GNA12: variants seen among roughly 807,000 people sequenced by gnomAD.
GNA12 encodes the protein guanine nucleotide-binding protein subunit alpha-12.
Under a neutral mutation model 26.0 loss-of-function variants are expected in GNA12, and 9 were observed. The ratio of observed to expected loss-of-function variants is 0.35; its 90% CI spans 0.21 to 0.60. The LOEUF is 0.60. GNA12 is among the 20% of genes least tolerant of loss of function. The pLI is 0.78. For missense variants in GNA12, 405 were observed against 525.8 expected, an observed-to-expected ratio of 0.77 and a Z score of 2.25; for synonymous variants, 264 against 219.6, an observed-to-expected ratio of 1.20 and a Z score of -1.79.
intron 2 of GNA12, among the ~76,000 whole-genome samples, chr7:2,746,709 A>C (rs971277121): frequency 1.3e-5 from 2 of 152,312 alleles, no homozygotes; most frequent in Non-Finnish European, 2.9e-5. Context: ...AAAACCCTTC[A>C]AAAAATTAAT....
intron 1 of GNA12, among the ~76,000 whole-genome samples, chr7:2,834,721 G>A (rs1027337503): frequency 6.6e-6 from 1 of 152,190 alleles, no homozygotes; most frequent in African/African-American, 2.4e-5. Flanking sequence ...GATTTTTACA[G>A]CACGTTTTCT....
At chr7:2,809,303 G>A (rs1793023728) in intron 1 of GNA12, among the ~76,000 whole-genome samples, 1 of 152,202 alleles carries the variant, frequency 6.6e-6, no homozygotes, top group South Asian at 2.1e-4. Context: ...CGCAAAGTAA[G>A]GGCAGCAGTC....
chr7:2,760,730 T>G (rs1358606938), intron 2 of GNA12, among the ~76,000 whole-genome samples: 1 of 152,214 alleles, frequency 6.6e-6, no homozygotes, highest in African/African-American at 2.4e-5. Context: ...AGAGCTAAGT[T>G]TAGCTACGAC....
chr7:2,807,354 C>T (rs1367479808), intron 1 of GNA12, among the ~76,000 whole-genome samples: 1 of 152,116 alleles, frequency 6.6e-6, no homozygotes, highest in African/African-American at 2.4e-5. Flanking sequence ...ATTTCACAAA[C>T]ATGTTTGAAT....
chr7:2,839,737 G>A (rs141141060), intron 1 of GNA12, among the ~76,000 whole-genome samples: 10 of 152,250 alleles, frequency 6.6e-5, no homozygotes, highest in Non-Finnish European at 1.0e-4. Flanking sequence ...GGCGGGGCAC[G>A]GCGTCTCACA....
chr7:2,824,190 C>T (rs768409221), intron 1 of GNA12, among the ~76,000 whole-genome samples: 7 of 152,184 alleles, frequency 4.6e-5, no homozygotes, highest in Non-Finnish European at 8.8e-5. Context: ...ACTGCCCCCA[C>T]GTCCACCTGG....
chr7:2,791,740 G>A lies in GNA12; in HGVS notation c.525+3188C>T, dbSNP rs915014079. 2.0e-5 allele frequency among the ~76,000 whole-genome samples: 3 copies of A among 152,104 alleles called. 1 individual carries two copies. The South Asian group carries it at 6.2e-4, about 32-fold the overall frequency. ...GGGTCTACTGCAGGGGTGGGGGAGG[G>A]AGCCCTGGTAACGGTGACTTCAGAT... On this transcript the variant is annotated intron_variant, in intron 2 of 3. Transcript: ENST00000275364.
chr7:2,773,619 G>T (rs1477182410), intron 2 of GNA12, among the ~76,000 whole-genome samples: 1 of 152,158 alleles, frequency 6.6e-6, no homozygotes, highest in African/African-American at 2.4e-5. Context: ...CACCAGAATG[G>T]CTATTTGAAA....
intron 2 of GNA12, among the ~76,000 whole-genome samples, chr7:2,741,827 C>A (rs191110962): frequency 2.7e-5 from 4 of 150,788 alleles, no homozygotes; most frequent in African/African-American, 7.3e-5. Context: ...TTCAGGAGAA[C>A]GCCGCAAGGA....
rs199581180 is a variant in GNA12, at chr7:2,801,654, TA to T, written c.310-6512del. ...TTTGAACAGTTAAGTAGTAGTTTTG[TA>T]AGCTTTGTAGTTACAGTCCATTTTC... is the stretch of plus-strand genomic sequence containing the variant. On this transcript the variant is annotated intron_variant, in intron 1 of 3. Coordinates refer to ENST00000275364, the MANE Select transcript of GNA12 (RefSeq NM_007353.3). 4.7e-3 allele frequency among the ~76,000 whole-genome samples: 709 copies of T among 152,280 alleles called. 8 individuals carry two copies. The highest frequency in any genetic ancestry group is 0.016 in the African/African-American group (669 of 41,546).
chr7:2,771,719 A>G (rs1177504753), intron 2 of GNA12, among the ~76,000 whole-genome samples: 1 of 152,098 alleles, frequency 6.6e-6, no homozygotes, highest in Non-Finnish European at 1.5e-5. Context: ...CACGTTCCCA[A>G]TGTTCAGCTG....
intron 1 of GNA12, among the ~76,000 whole-genome samples, chr7:2,834,112 A>G (rs949895180): frequency 1.3e-5 from 2 of 152,252 alleles, no homozygotes; most frequent in Admixed American, 6.5e-5. Context: ...GCTTTCAGCT[A>G]GAGTGCTGCG....
intron 1 of GNA12, among the ~76,000 whole-genome samples, chr7:2,806,536 G>A (rs1352685533): frequency 2.7e-5 from 4 of 150,794 alleles, no homozygotes; most frequent in Non-Finnish European, 4.4e-5. Context: ...TGTATTTTTA[G>A]TGCAAAAAAT....
chr7:2,835,820 T>C (rs1778821507), intron 1 of GNA12: 4 of 655,048 alleles, frequency 6.1e-6, no homozygotes, highest in East Asian at 5.7e-5. Flanking sequence ...TGCTTAATGA[T>C]GCCTTATCAA....
intron 2 of GNA12, among the ~76,000 whole-genome samples, chr7:2,784,489 T>A (rs554430298): frequency 1.8e-4 from 28 of 152,232 alleles, no homozygotes; most frequent in Non-Finnish European, 3.5e-4. Context: ...AAGAATAGAA[T>A]AACACTTTAT....
chr7:2,843,860 A>G lies in GNA12; in HGVS notation c.302T>C (p.Ile101Thr). Reference protein sequence around the residue: ...LEFRDTIFDNILKGSRVLVDA... With the variant: ...LEFRDTIFDNTLKGSRVLVDA... ...GCGGGGGGCGCGCGTCACCTTGAGG[A>G]TGTTGTCGAAGATGGTGTCGCGGAA... Residue 101 changes from isoleucine (I) to threonine (T), a missense_variant, in exon 1 of 4, where the codon ATC becomes ACC. Coordinates refer to ENST00000275364, the MANE Select transcript of GNA12 (RefSeq NM_007353.3). 2 of 1,524,552 alleles carry G rather than the reference A, an allele frequency of 1.3e-6. No homozygotes were observed. The highest frequency in any genetic ancestry group is 1.8e-6 in the Non-Finnish European group (2 of 1,132,136). 94.4% of individuals were successfully genotyped at this position (1,524,552 alleles called of 1,614,324 possible). A position where few individuals can be genotyped will look rare whatever the true frequency, so the allele number is the denominator to read the frequency against.
chr7:2,753,303 G>A (rs1304574410), intron 2 of GNA12, among the ~76,000 whole-genome samples: 2 of 152,132 alleles, frequency 1.3e-5, no homozygotes, highest in Non-Finnish European at 2.9e-5. Context: ...ATAGGTGCAT[G>A]CCACCACGAT....
chr7:2,808,063 C>T (rs1375448651), intron 1 of GNA12, among the ~76,000 whole-genome samples: 3 of 152,264 alleles, frequency 2.0e-5, no homozygotes, highest in Non-Finnish European at 4.4e-5. Context: ...AGGCATCCAT[C>T]TTCTCTTCTA....
intron 1 of GNA12, among the ~76,000 whole-genome samples, chr7:2,815,552 G>A (rs1312024648): frequency 6.6e-6 from 1 of 152,210 alleles, no homozygotes; most frequent in Non-Finnish European, 1.5e-5. Context: ...GACAACCAGG[G>A]ACCACCCTGA....
Sources: allele counts gnomAD v4.1 joint callset (sites outside exome capture counted in the v4.1 genomes callset), GRCh38; gene constraint gnomAD v4.1.1; transcripts MANE v1.5; gene names NCBI Gene and HGNC (gene_info 2026-07-23, HGNC 2026-07-21).